C1GALT1: variants seen among roughly 807,000 people sequenced by gnomAD.
C1GALT1 encodes the protein glycoprotein-N-acetylgalactosamine 3-beta-galactosyltransferase 1.
In C1GALT1, 11 loss-of-function variants were observed where a neutral mutation model predicts 31.0. That is an observed-to-expected ratio of 0.36 (90% confidence interval 0.22 to 0.59). The LOEUF (loss-of-function observed/expected upper bound fraction) is 0.59. Ranked by LOEUF, C1GALT1 falls within the 20% of genes least tolerant of loss-of-function variation. The probability of loss-of-function intolerance (pLI) is 0.79; values close to 1 mark genes in which losing one functional copy is unlikely to be tolerated. For synonymous variants in C1GALT1, 175 were observed against 143.6 expected, an observed-to-expected ratio of 1.22 and a Z score of -1.56; for missense variants, 424 against 425.2, an observed-to-expected ratio of 1.00 and a Z score of 0.03.
chr7:7,166,539 T>C lies in C1GALT1; in HGVS notation c.-18+9113T>C, dbSNP rs116636974. 2.0e-3 allele frequency among the ~76,000 whole-genome samples: 310 copies of C among 152,246 alleles called. 2 individuals carry two copies. The highest frequency in any genetic ancestry group is 7.0e-3 in the African/African-American group (290 of 41,558). On this transcript the variant is annotated intron_variant, in intron 2 of 3. Transcript: ENST00000429911. Reference sequence around the variant, plus strand: ...GGCAGGAGGAAACTTTTGGAGGTGATAGATACATTCATTATCTTGACTGCG... The same window carrying C: ...GGCAGGAGGAAACTTTTGGAGGTGACAGATACATTCATTATCTTGACTGCG...
chr7:7,208,909 C>T (rs929343499), intron 1 of C1GALT1, among the ~76,000 whole-genome samples: 25 of 152,122 alleles, frequency 1.6e-4, no homozygotes, highest in Non-Finnish European at 2.6e-4. Context: ...ACCTTACTGT[C>T]CAGGACTTTT....
intron 1 of C1GALT1, among the ~76,000 whole-genome samples, chr7:7,229,889 T>C (rs1057275547): frequency 7.9e-5 from 12 of 152,100 alleles, no homozygotes; most frequent in African/African-American, 2.7e-4. Flanking sequence ...AGTGGGGCTA[T>C]GTACTCATCA....
intron 1 of C1GALT1, among the ~76,000 whole-genome samples, chr7:7,221,395 C>G (rs1304906934): frequency 1.3e-5 from 2 of 152,134 alleles, no homozygotes; most frequent in Non-Finnish European, 2.9e-5. Flanking sequence ...TTTTCTCTCT[C>G]AAGATATTAA....
Position 7,238,637 on chromosome 7 carries a change from T to C in C1GALT1, c.603T>C (p.Tyr201=). Residue 201 remains tyrosine, a synonymous_variant, in exon 3 of 4, where the codon TAT becomes TAC. Transcript: ENST00000436587. The surrounding 1 kb of genome is among the most constrained non-coding windows in gnomAD (Gnocchi z 5.2). ...PIYFGRRFKP[Y]VKQGYMSGGA... ...ACTTTGGGAGAAGATTTAAGCCTTA[T>C]GTAAAGCAGGGCTACATGAGTGGAG... 15 of 1,614,140 alleles carry C rather than the reference T, an allele frequency of 9.3e-6. No homozygotes were observed. The highest frequency in any genetic ancestry group is 1.3e-5 in the Non-Finnish European group (15 of 1,179,982).
intron 2 of C1GALT1, among the ~76,000 whole-genome samples, chr7:7,158,403 T>A (rs62453505): frequency 0.16 from 23,854 of 152,054 alleles, 2,101 homozygotes; most frequent in Middle Eastern, 0.26. Context: ...CATTGGAGTT[T>A]GATGTGGACT....
At chr7:7,225,270 G>A (rs1482010959) in intron 1 of C1GALT1, among the ~76,000 whole-genome samples, 2 of 152,112 alleles carry the variant, frequency 1.3e-5, no homozygotes, top group Non-Finnish European at 2.9e-5. Flanking sequence ...CTTTTGCTGT[G>A]CCGCTCTATT....
At chr7:7,169,295 T>C (rs1780428787) in intron 2 of C1GALT1, among the ~76,000 whole-genome samples, 1 of 152,220 alleles carries the variant, frequency 6.6e-6, no homozygotes, top group African/African-American at 2.4e-5. Context: ...TTTTGGCTAT[T>C]ATGAAGAAGG....
rs1327982034 is a variant in C1GALT1 at position 7,245,674 on chromosome 7, A to G, written c.*1947A>G. On this transcript the variant is annotated 3_prime_UTR_variant, in exon 4 of 4. Transcript: ENST00000436587. Reference sequence around the variant, plus strand: ...AGGCATTCATTTTATTCTTTGAACAACTCTTCACCATGGTGTGGACATGAA... The same window carrying G: ...AGGCATTCATTTTATTCTTTGAACAGCTCTTCACCATGGTGTGGACATGAA... 6.6e-6 allele frequency: 1 copy of G among 152,064 alleles called. No individual in the cohort carries two copies. Among genetic ancestry groups the G allele is most frequent in the Non-Finnish European group, 1.5e-5 (1 of 67,992 alleles). The allele number at this position is 152,064 out of a possible 1,614,324, so 9.4% of individuals were successfully genotyped here. A position where few individuals can be genotyped will look rare whatever the true frequency, so the allele number is the denominator to read the frequency against.
Position 7,247,344 on chromosome 7 carries a change from C to T in C1GALT1, c.*3617C>T, listed in dbSNP as rs1783887106. The T allele has an allele frequency of 6.6e-6, 1 of 152,038 alleles. No individual in the cohort carries two copies. The allele number at this position is 152,038 out of a possible 1,614,324, so 9.4% of individuals were successfully genotyped here. ...TAAGGCTTTTGATGTCTTATGTTCT[C>T]TAATAATGGTATGCTTGTATTTTCT... On this transcript the variant is annotated 3_prime_UTR_variant, in exon 4 of 4. Transcript: ENST00000436587.
rs1044179596 is a variant in C1GALT1 at position 7,238,082 on chromosome 7, A to G, written c.221-173A>G. Among the ~76,000 whole-genome samples the G allele has an allele frequency of 6.6e-6, 1 of 152,230 alleles. No individual in the cohort carries two copies. Among genetic ancestry groups the G allele is most frequent in the African/African-American group, 2.4e-5 (1 of 41,466 alleles). On this transcript the variant is annotated intron_variant, in intron 2 of 3. Transcript: ENST00000436587. This position sits in a 1 kb window ranked among gnomAD's most constrained non-coding sequence, Gnocchi z 5.2. The stretch of plus-strand genomic sequence containing the variant: ...CCTAGATAACACTGACATGAAACCA[A>G]TAAATCAGAGTGTCAGTTCACATTA...
intron 2 of C1GALT1, among the ~76,000 whole-genome samples, chr7:7,168,994 A>G (rs1395418245): frequency 6.6e-6 from 1 of 152,162 alleles, no homozygotes; most frequent in Non-Finnish European, 1.5e-5. Context: ...CAGCACCCAA[A>G]ACAAATTCAA....
Position 7,238,774 on chromosome 7 carries a change from T to C in C1GALT1, c.740T>C (p.Met247Thr), listed in dbSNP as rs1354476342. 1 of 1,613,604 alleles carries C rather than the reference T, an allele frequency of 6.2e-7. No homozygotes were observed. Among genetic ancestry groups the C allele is most frequent in the African/African-American group, 1.3e-5 (1 of 74,906 alleles). The change falls in exon 3 of 4, where the codon ATG (methionine) becomes ACG (threonine). Residue 247 changes from methionine to threonine, a missense_variant. Physicochemically the swap from Met to Thr is moderately conservative, Grantham distance 81. This residue lies in a region of C1GALT1 where 191 missense variants were observed against 188.8 expected (regional missense o/e 1.01). Coordinates refer to ENST00000436587, the MANE Select transcript of C1GALT1 (RefSeq NM_020156.5). This position sits in a 1 kb window ranked among gnomAD's most constrained non-coding sequence, Gnocchi z 5.2. ...GAAGACTTAGCACTGGGGAGATGCA[T>C]GGAAATTATGAATGTAGAAGCAGGA... The part of the protein sequence containing the change: ...SIEDLALGRC[M>T]EIMNVEAGDS...
At chr7:7,194,339 G>A (rs1301381330) in intron 1 of C1GALT1, among the ~76,000 whole-genome samples, 1 of 152,058 alleles carries the variant, frequency 6.6e-6, no homozygotes. Flanking sequence ...TTACCTTAAG[G>A]CATCTCCTTT....
At chr7:7,200,175 G>A (rs1583767504) in intron 1 of C1GALT1, among the ~76,000 whole-genome samples, 2 of 152,190 alleles carry the variant, frequency 1.3e-5, no homozygotes, top group Admixed American at 1.3e-4. Context: ...GCAGTGGCTG[G>A]TACGGGTTGT....
intron 2 of C1GALT1, among the ~76,000 whole-genome samples, chr7:7,174,046 G>A (rs1020415722): frequency 9.9e-5 from 15 of 152,104 alleles, no homozygotes; most frequent in African/African-American, 3.4e-4. Context: ...TTCTTTTCCT[G>A]GCTTTATAGG....
chr7:7,213,853 T>A (rs1412906278), intron 1 of C1GALT1, among the ~76,000 whole-genome samples: 6 of 152,192 alleles, frequency 3.9e-5, no homozygotes, highest in Admixed American at 1.3e-4. Context: ...ATGCGTTTAT[T>A]TCAATGCTTA....
At chr7:7,203,861 ATTG>A (rs139850718) in intron 1 of C1GALT1, among the ~76,000 whole-genome samples, 23,659 of 151,924 alleles carry the variant, frequency 0.16, 2,091 homozygotes, top group East Asian at 0.36. Flanking sequence ...CTATATTATT[ATTG>A]TTAATTATAG....
intron 1 of C1GALT1, among the ~76,000 whole-genome samples, chr7:7,224,580 C>T (rs1782668010): frequency 6.6e-6 from 1 of 152,122 alleles, no homozygotes; most frequent in South Asian, 2.1e-4. Context: ...TTATGCTTTT[C>T]AAGGAATTGG....
chr7:7,165,545 C>T (rs1467350019), intron 2 of C1GALT1, among the ~76,000 whole-genome samples: 4 of 152,030 alleles, frequency 2.6e-5, no homozygotes, highest in South Asian at 2.1e-4. Flanking sequence ...ATTAAGAGGA[C>T]GTTTCAGTGT....
Sources: gnomAD v4.1 joint callset for allele counts (sites outside exome capture counted in the v4.1 genomes callset) on GRCh38, gnomAD v4.1.1 for gene constraint, gnomAD v4.1.1 regional missense constraint, Gnocchi (gnomAD v3.1) non-coding constraint, MANE v1.5 for transcripts, NCBI Gene and HGNC (gene_info 2026-07-23, HGNC 2026-07-21) for gene names.